Variants in COL11A1 observed in about 807,000 individuals in gnomAD.
COL11A1 encodes collagen type XI alpha 1 chain, also known as collagen alpha-1(XI) chain.
COL11A1 carries 74 observed loss-of-function variants against 265.2 expected under a neutral mutation model. The ratio of observed to expected loss-of-function variants is 0.28; its 90% CI spans 0.23 to 0.34. The LOEUF (loss-of-function observed/expected upper bound fraction) is 0.34. COL11A1 is among the 10% of genes least tolerant of loss of function. The pLI is 1.00. For missense variants in COL11A1, 2,165 were observed against 2,263.6 expected (o/e 0.96, Z 0.88); for synonymous variants, 816 against 727.6 (o/e 1.12, Z -1.96).
intron 1 of COL11A1, among the ~76,000 whole-genome samples, chr1:103,089,907 C>T (rs7416903): frequency 0.36 from 54,455 of 151,972 alleles, 10,077 homozygotes; most frequent in African/African-American, 0.4. Context: ...GGGTGGATCA[C>T]GAGGTCAGGA....
At chr1:102,923,573 C>A (rs1410362842) in intron 46 of COL11A1, among the ~76,000 whole-genome samples, 184 bp from the exon 47 acceptor site, 1 of 152,024 alleles carries the variant, frequency 6.6e-6, no homozygotes, top group Non-Finnish European at 1.5e-5. Context: ...AAATCTTACA[C>A]CTACATTTAC....
chr1:103,107,827 C>G (rs922427488), intron 1 of COL11A1, among the ~76,000 whole-genome samples: 40 of 152,230 alleles, frequency 2.6e-4, no homozygotes, highest in African/African-American at 9.1e-4. Flanking sequence ...TCAGCAGGCT[C>G]TCCTCCTGAC....
chr1:102,958,763 C>G (rs1400653939), intron 41 of COL11A1, among the ~76,000 whole-genome samples: 1 of 152,178 alleles, frequency 6.6e-6, no homozygotes, highest in Non-Finnish European at 1.5e-5. Flanking sequence ...TCAAGCATAT[C>G]TATTAGCAAA....
At chr1:103,032,309 A>T (rs1437269482) in intron 4 of COL11A1, among the ~76,000 whole-genome samples, 1 of 152,124 alleles carries the variant, frequency 6.6e-6, no homozygotes, top group Non-Finnish European at 1.5e-5. Flanking sequence ...TGGAAATTAA[A>T]TTACAAAAAT....
chr1:102,911,395 A>G (rs998445496), intron 54 of COL11A1, among the ~76,000 whole-genome samples: 2 of 152,128 alleles, frequency 1.3e-5, no homozygotes, highest in African/African-American at 4.8e-5. Flanking sequence ...AGTGGCCCCA[A>G]TTGCCCTGTG....
chr1:102,886,766 G>A, intron 63 of COL11A1, 41 bp downstream of exon 63: 2 of 1,613,346 alleles, frequency 1.2e-6, no homozygotes, highest in Non-Finnish European at 1.7e-6. Flanking sequence ...CAGAAACTCA[G>A]GGGCTCGGTA....
At chr1:102,962,016 G>A in intron 40 of COL11A1, 97 bp from the exon 41 acceptor site, 2 of 1,174,528 alleles carry the variant, frequency 1.7e-6, no homozygotes, top group Non-Finnish European at 2.5e-6. Context: ...GTCAGGTAAT[G>A]TTTATAGACA....
intron 46 of COL11A1, among the ~76,000 whole-genome samples, chr1:102,931,139 T>C (rs1340155631): frequency 7.5e-6 from 1 of 133,474 alleles, no homozygotes; most frequent in African/African-American, 2.7e-5. Context: ...TGCTAGCTTT[T>C]GAATGTGTTT....
intron 1 of COL11A1, among the ~76,000 whole-genome samples, chr1:103,101,585 C>G (rs187299993): frequency 6.6e-6 from 1 of 151,872 alleles, no homozygotes; most frequent in Non-Finnish European, 1.5e-5. Context: ...TCCTTTAAGC[C>G]CGGATGTCAG....
intron 4 of COL11A1, among the ~76,000 whole-genome samples, chr1:103,051,269 C>G (rs148326736): frequency 6.6e-6 from 1 of 152,184 alleles, no homozygotes; most frequent in African/African-American, 2.4e-5. Context: ...GCTTCCTGGC[C>G]GCTTTGTTTA....
At chr1:102,910,471 A>G (rs959185510) in intron 54 of COL11A1, among the ~76,000 whole-genome samples, 4 of 152,138 alleles carry the variant, frequency 2.6e-5, no homozygotes, top group Admixed American at 6.6e-5. Context: ...GAAGCTGCCA[A>G]TATGTAATAG....
At chr1:102,925,531 A>G (rs930671375) in intron 46 of COL11A1, among the ~76,000 whole-genome samples, 2 of 152,090 alleles carry the variant, frequency 1.3e-5, no homozygotes, top group Non-Finnish European at 2.9e-5. Flanking sequence ...AAATGTCAGT[A>G]AGATGTCTAA....
At chr1:103,074,193 T>G (rs1429967245) in intron 4 of COL11A1, among the ~76,000 whole-genome samples, 1 of 152,114 alleles carries the variant, frequency 6.6e-6, no homozygotes, top group Non-Finnish European at 1.5e-5. Flanking sequence ...TTTTGCAATA[T>G]GATCTCTATT....
At chr1:102,920,560 T>C (rs1379155065) in intron 48 of COL11A1, among the ~76,000 whole-genome samples, 196 bp from the exon 49 acceptor site, 1 of 152,192 alleles carries the variant, frequency 6.6e-6, no homozygotes, top group Non-Finnish European at 1.5e-5. Context: ...ATTACACTGA[T>C]TTTCAAATTC....
intron 7 of COL11A1, 110 bp from the exon 8 acceptor site, chr1:103,023,106 A>G: frequency 8.7e-7 from 1 of 1,148,862 alleles, no homozygotes; most frequent in Non-Finnish European, 1.3e-6. Context: ...CGATTTTGTT[A>G]CTACTCAAGC....
intron 41 of COL11A1, among the ~76,000 whole-genome samples, chr1:102,948,182 C>T (rs1659514916): frequency 1.3e-5 from 2 of 151,932 alleles, no homozygotes; most frequent in African/African-American, 2.4e-5. Context: ...GGTAACTATA[C>T]CAACAACTTG....
At chr1:102,932,194 T>G (rs866761700) in intron 46 of COL11A1, among the ~76,000 whole-genome samples, 14 of 152,226 alleles carry the variant, frequency 9.2e-5, no homozygotes, top group African/African-American at 3.4e-4. Flanking sequence ...GTCTCGATGG[T>G]CTTTACATTT....
intron 54 of COL11A1, among the ~76,000 whole-genome samples, chr1:102,909,618 T>A (rs1389198424): frequency 6.6e-6 from 1 of 152,098 alleles, no homozygotes; most frequent in East Asian, 1.9e-4. Context: ...AGCAATTAAC[T>A]CATGTTTTAA....
intron 14 of COL11A1, among the ~76,000 whole-genome samples, chr1:103,011,995 T>C (rs1445683658): frequency 6.6e-6 from 1 of 152,190 alleles, no homozygotes; most frequent in Non-Finnish European, 1.5e-5. Flanking sequence ...TTAAAAAGTA[T>C]CTTGCTTGCC....
Sources: gnomAD v4.1 joint callset for allele counts (sites outside exome capture counted in the v4.1 genomes callset) on GRCh38, gnomAD v4.1.1 for gene constraint, MANE v1.5 for transcripts, NCBI Gene and HGNC (gene_info 2026-07-23, HGNC 2026-07-21) for gene names.